Variants in ATP8B1 observed in about 807,000 individuals in gnomAD.
ATP8B1 encodes ATPase phospholipid transporting 8B1, also known as phospholipid-transporting ATPase IC.
In ATP8B1, 80 loss-of-function variants were observed where a neutral mutation model predicts 149.9. The ratio of observed to expected loss-of-function variants is 0.53; its 90% CI spans 0.45 to 0.64. The LOEUF (loss-of-function observed/expected upper bound fraction) is 0.64. ATP8B1 is among the 30% of genes least tolerant of loss of function. The pLI is 0.00. For synonymous variants in ATP8B1, 536 were observed against 562.8 expected (o/e 0.95, Z 0.67); for missense variants, 1,247 against 1,552.6 (o/e 0.80, Z 3.31).
intron 12 of ATP8B1, among the ~76,000 whole-genome samples, chr18:57,690,355 G>C (rs556861083): frequency 3.3e-5 from 5 of 152,308 alleles, no homozygotes; most frequent in Non-Finnish European, 7.4e-5. Context: ...TTGGGGCCCT[G>C]GGGTTGGGTT....
At chr18:57,785,179 G>A (rs879462089) in intron 1 of ATP8B1, among the ~76,000 whole-genome samples, 2 of 152,144 alleles carry the variant, frequency 1.3e-5, no homozygotes, top group Non-Finnish European at 2.9e-5. Flanking sequence ...AAATACACAA[G>A]ATCTTGAAAA....
In ATP8B1 at chr18:57,794,792, AAAAG is replaced by A. The variant is rs113119274; in HGVS notation, c.-26+8202_-26+8205del. On this transcript the variant is annotated intron_variant, in intron 1 of 27. Transcript: ENST00000648908. ...GGCGACAGAGCGAAACTCCGCCTCA[AAAAG>A]AAAGAAAGAAAGAAAGAAAGAAAGA... Among the ~76,000 whole-genome samples, 525 of 148,012 alleles carry A rather than the reference AAAAG, an allele frequency of 3.5e-3. 1 individual carries two copies. Among genetic ancestry groups the A allele is most frequent in the African/African-American group, 5.2e-3 (207 of 39,648 alleles).
rs371546596 is a variant in ATP8B1, at chr18:57,662,521, C to T, written c.2380G>A (p.Gly794Ser). 58 of 1,613,966 alleles carry T rather than the reference C, an allele frequency of 3.6e-5. No homozygotes were observed. Among genetic ancestry groups the T allele is most frequent in the African/African-American group, 1.7e-4 (13 of 74,892 alleles). The change falls in exon 21 of 28, where the codon GGT (glycine) becomes AGT (serine). Residue 794 changes from glycine to serine, a missense_variant. Gly to Ser is a moderately conservative substitution (Grantham distance 56). Around this residue, in one of 3 missense-constraint regions of ATP8B1, gnomAD observed 853 missense variants for 1,035.7 expected, o/e 0.82. Transcript: ENST00000648908. ...GTGATGATTAAGGCACGGTTTCCAC[C>T]GGGTGGAAAAAAAGATTCCTGCACA... ...PPVQESFFPP[G>S]GNRALIITGS...
At chr18:57,722,948 G>T (rs1417196646) in intron 2 of ATP8B1, among the ~76,000 whole-genome samples, 1 of 150,434 alleles carries the variant, frequency 6.6e-6, no homozygotes, top group Non-Finnish European at 1.5e-5. Flanking sequence ...TTCAATATAC[G>T]CAAATCGATA....
At chr18:57,682,004 G>C (rs900879986) in intron 15 of ATP8B1, among the ~76,000 whole-genome samples, 46 of 129,060 alleles carry the variant, frequency 3.6e-4, no homozygotes, top group African/African-American at 1.3e-3. Context: ...GGGACTTTGT[G>C]TTATTTTTTT....
At chr18:57,759,346 G>A (rs1441414328) in intron 1 of ATP8B1, among the ~76,000 whole-genome samples, 1 of 151,936 alleles carries the variant, frequency 6.6e-6, no homozygotes, top group East Asian at 1.9e-4. Context: ...CAACCTCTAG[G>A]CGAGATATTT....
intron 17 of ATP8B1, among the ~76,000 whole-genome samples, chr18:57,670,568 T>A (rs1489764657): frequency 6.6e-6 from 1 of 151,916 alleles, no homozygotes; most frequent in Non-Finnish European, 1.5e-5. Flanking sequence ...GCCAGGATGG[T>A]CTCGATCTGT....
Position 57,732,187 on chromosome 18 carries a change from ATGTATATATG to A in ATP8B1, c.-25-365_-25-356del, listed in dbSNP as rs1215195988. Among the ~76,000 whole-genome samples, 112 of 110,928 alleles carry A rather than the reference ATGTATATATG, an allele frequency of 1.0e-3. 33 individuals are homozygous for A. The highest frequency in any genetic ancestry group is 3.5e-3 in the African/African-American group (101 of 28,640). The allele number at this position is 110,928 out of a possible 152,430, so 72.8% of individuals were successfully genotyped here. A position where few individuals can be genotyped will look rare whatever the true frequency, so the allele number is the denominator to read the frequency against. On this transcript the variant is annotated intron_variant, in intron 1 of 27. Transcript: ENST00000648908. ...TGTATATATGTATATATGTGTATATATGTATATATGTGTATATATGTATATATGTGTATAT... is the reference window on the plus strand; with the variant it reads ...TGTATATATGTATATATGTGTATATATGTATATATGTATATATGTGTATAT...
intron 1 of ATP8B1, among the ~76,000 whole-genome samples, chr18:57,782,400 T>C (rs1413842492): frequency 6.6e-6 from 1 of 152,248 alleles, no homozygotes; most frequent in African/African-American, 2.4e-5. Context: ...GACATTTCCA[T>C]AAACCCAAGT....
At chr18:57,654,130 G>T in intron 23 of ATP8B1, 55 bp from the exon 24 acceptor site, 1 of 1,408,320 alleles carries the variant, frequency 7.1e-7, no homozygotes, top group Non-Finnish European at 1.0e-6. Context: ...TGCCAGCCTA[G>T]TTAGCACATA....
Position 57,695,318 on chromosome 18 carries a change from A to C in ATP8B1, c.793T>G (p.Cys265Gly). The C allele has an allele frequency of 6.2e-7, 1 of 1,601,568 alleles. No homozygotes were observed. The highest frequency in any genetic ancestry group is 8.6e-7 in the Non-Finnish European group (1 of 1,168,684). Residue 265 changes from cysteine to glycine, a missense_variant, in exon 10 of 28, where the codon TGT (cysteine) becomes GGT (glycine). By Grantham distance (159) the Cys-to-Gly change is radical (BLOSUM62 -3). Transcript: ENST00000648908. ...TCTAGTCTGTTATTGGGTTCTTCAC[A>C]TTCAATAAAACCTTTTAAAAATATA... ...TLATFDGFIE[C>G]EEPNNRLDKF...
At chr18:57,673,932 C>T (rs1911417694) in intron 16 of ATP8B1, among the ~76,000 whole-genome samples, 1 of 152,060 alleles carries the variant, frequency 6.6e-6, no homozygotes, top group Non-Finnish European at 1.5e-5. Flanking sequence ...GAAATCTTTT[C>T]CTGCTGAGTC....
intron 1 of ATP8B1, among the ~76,000 whole-genome samples, chr18:57,756,614 G>T (rs1293577460): frequency 6.6e-6 from 1 of 151,514 alleles, no homozygotes; most frequent in Non-Finnish European, 1.5e-5. Flanking sequence ...ACCTGTATTT[G>T]TCATTTACAA....
At chr18:57,659,694 G>T (rs1910267635) in intron 22 of ATP8B1, 1 of 150,148 alleles carries the variant, frequency 6.7e-6, no homozygotes, top group African/African-American at 2.5e-5. Context: ...GAATTAAACT[G>T]CTAGTGACCA....
rs867400181 is a variant in ATP8B1, at chr18:57,721,121, G to A, written c.181+10506C>T. Among the ~76,000 whole-genome samples the A allele has an allele frequency of 3.0e-4, 34 of 112,194 alleles. 1 individual carries two copies. The highest frequency in any genetic ancestry group is 8.9e-4 in the African/African-American group (26 of 29,338). 73.6% of individuals were successfully genotyped at this position (112,194 alleles called of 152,430 possible). On this transcript the variant is annotated intron_variant, in intron 2 of 27. Coordinates refer to ENST00000648908, the MANE Select transcript of ATP8B1 (RefSeq NM_001374385.1). ...GCACTAAACATGGAAAGGAACAACC[G>A]GTACCAGCCGCTGCAAAATCATGCC...
chr18:57,778,226 TTC>T (rs1261970551), intron 1 of ATP8B1, among the ~76,000 whole-genome samples: 1,822 of 143,484 alleles, frequency 0.013, 43 homozygotes, highest in African/African-American at 0.045. Context: ...CTTTTTCTTT[TTC>T]TTTTTTTTTT....
intron 1 of ATP8B1, among the ~76,000 whole-genome samples, chr18:57,735,862 A>G (rs936906140): frequency 2.6e-4 from 40 of 152,212 alleles, no homozygotes; most frequent in African/African-American, 8.2e-4. Context: ...GGTTTGTTAC[A>G]TAGGTATACA....
chr18:57,731,508 A>C (rs374329584), intron 2 of ATP8B1, 119 bp downstream of exon 2: 9 of 1,137,224 alleles, frequency 7.9e-6, no homozygotes, highest in South Asian at 6.6e-5. Context: ...TCCTAAGAAG[A>C]GATCAGAGAA....
At chr18:57,660,962 C>T (rs942264469) in intron 22 of ATP8B1, among the ~76,000 whole-genome samples, 3 of 152,190 alleles carry the variant, frequency 2.0e-5, no homozygotes, top group Non-Finnish European at 4.4e-5. Context: ...CCTTCAGAAG[C>T]CCTGTCAGTG....
Sources: gnomAD v4.1 joint callset for allele counts (sites outside exome capture counted in the v4.1 genomes callset) on GRCh38, gnomAD v4.1.1 for gene constraint, gnomAD v4.1.1 regional missense constraint, MANE v1.5 for transcripts, NCBI Gene and HGNC (gene_info 2026-07-23, HGNC 2026-07-21) for gene names.